The following TDRD9 variants were observed in gnomAD, a reference collection of about 807,000 sequenced individuals.
The protein encoded by TDRD9 is tudor domain containing 9.
In TDRD9, 124 loss-of-function variants were observed where a neutral mutation model predicts 172.6. The observed-to-expected ratio is 0.72, with a 90% CI of 0.62 to 0.83. The LOEUF (loss-of-function observed/expected upper bound fraction) is 0.83. Among genes scored for constraint, TDRD9 ranks in the 40% least tolerant of loss-of-function variants. TDRD9 has a pLI of 0.00. For missense variants in TDRD9, 1,479 were observed against 1,714.1 expected, an observed-to-expected ratio of 0.86 and a Z score of 2.42; for synonymous variants, 619 against 617.1, an observed-to-expected ratio of 1.00 and a Z score of -0.05.
At chr14:103,989,233 G>A (rs1223282154) in intron 8 of TDRD9, among the ~76,000 whole-genome samples, 1 of 152,134 alleles carries the variant, frequency 6.6e-6, no homozygotes, top group East Asian at 1.9e-4. Context: ...TAATCTTACT[G>A]GGGTTTTCTT....
chr14:104,006,743 A>T (rs1414077829), intron 17 of TDRD9, 34 bp downstream of exon 17: 1 of 1,613,432 alleles, frequency 6.2e-7, no homozygotes, highest in Non-Finnish European at 8.5e-7. Context: ...GTGTCACTGT[A>T]TTTTAATGGT....
At chr14:104,019,211 T>G (rs2034879826) in intron 23 of TDRD9, among the ~76,000 whole-genome samples, 1 of 152,236 alleles carries the variant, frequency 6.6e-6, no homozygotes. Flanking sequence ...GAGCTTCCAG[T>G]TCTGCATGGA....
intron 2 of TDRD9, among the ~76,000 whole-genome samples, chr14:103,959,602 A>G (rs2032413109): frequency 6.6e-6 from 1 of 152,146 alleles, no homozygotes; most frequent in African/African-American, 2.4e-5. Context: ...TTCAGCATGA[A>G]CATTTTGTTA....
intron 1 of TDRD9, among the ~76,000 whole-genome samples, chr14:103,936,249 C>T (rs1278724795): frequency 6.6e-6 from 1 of 152,074 alleles, no homozygotes; most frequent in Admixed American, 6.6e-5. Context: ...GCTGCCATGC[C>T]TGACAAATTA....
chr14:103,986,450 A>G, intron 8 of TDRD9, 130 bp downstream of exon 8: 1 of 650,116 alleles, frequency 1.5e-6, no homozygotes, highest in Non-Finnish European at 2.5e-6. Flanking sequence ...TACTGTATAT[A>G]TTTTAAAATC....
intron 32 of TDRD9, among the ~76,000 whole-genome samples, chr14:104,039,029 G>A (rs994031716): frequency 6.6e-6 from 1 of 152,130 alleles, no homozygotes; most frequent in Non-Finnish European, 1.5e-5. Flanking sequence ...AATTATAAAG[G>A]AAAGAGGTTT....
At chr14:104,049,412 C>T (rs1381124704) in intron 34 of TDRD9, 196 bp from the exon 35 acceptor site, 3 of 425,806 alleles carry the variant, frequency 7.0e-6, no homozygotes, top group Non-Finnish European at 1.2e-5. Context: ...TGTCACACTC[C>T]ATTTCTTTCT....
chr14:104,021,625 G>A (rs35804835), intron 23 of TDRD9, among the ~76,000 whole-genome samples: 40,063 of 151,982 alleles, frequency 0.26, 5,713 homozygotes, highest in Non-Finnish European at 0.33. Context: ...TCTGGGAGGC[G>A]GAGGTTGCAG....
chr14:104,007,106 A>G, intron 18 of TDRD9, 54 bp from the exon 19 acceptor site: 2 of 1,535,066 alleles, frequency 1.3e-6, no homozygotes, highest in Admixed American at 4.2e-5. Context: ...TGTACTTAAA[A>G]AAAATTCAGT....
chr14:104,034,953 T>TG lies in TDRD9; in HGVS notation c.3620-6dup. The TG allele has an allele frequency of 6.4e-7, 1 of 1,550,494 alleles. No homozygotes were observed. The highest frequency in any genetic ancestry group is 8.7e-7 in the Non-Finnish European group (1 of 1,146,044). ...TGCCCGATGTTGATTTAGCATGACT[T>TG]GAACAGGATCTACGATGCTGCTGAG... On this transcript the variant is annotated splice_region_variant and splice_polypyrimidine_tract_variant and intron_variant, in intron 31 of 35. Coordinates refer to ENST00000409874, the MANE Select transcript of TDRD9 (RefSeq NM_153046.3).
chr14:104,004,798 C>G (rs1348124030), intron 14 of TDRD9, among the ~76,000 whole-genome samples: 2 of 152,198 alleles, frequency 1.3e-5, no homozygotes, highest in Non-Finnish European at 1.5e-5. Context: ...AGGCTACTGT[C>G]TAGGGCGTTA....
chr14:103,985,145 A>G (rs947861500), intron 7 of TDRD9, among the ~76,000 whole-genome samples: 1 of 152,142 alleles, frequency 6.6e-6, no homozygotes, highest in Non-Finnish European at 1.5e-5. Context: ...TGCTGAAATG[A>G]GTTAAGACTT....
chr14:103,955,567 C>A, intron 1 of TDRD9, 97 bp from the exon 2 acceptor site: 2 of 767,516 alleles, frequency 2.6e-6, no homozygotes, highest in Non-Finnish European at 4.0e-6. Context: ...TGACTATTTG[C>A]ATTTTTTCCT....
chr14:104,019,705 G>A (rs183468309), intron 23 of TDRD9, among the ~76,000 whole-genome samples: 1 of 152,288 alleles, frequency 6.6e-6, no homozygotes, highest in East Asian at 1.9e-4. Flanking sequence ...GGTGCCAAGG[G>A]CGCATGGGCA....
Position 103,999,638 on chromosome 14 carries a change from TTTAGAAAAC to T in TDRD9, c.1483+911_1483+919del, listed in dbSNP as rs2034184817. 5.0e-4 allele frequency among the ~76,000 whole-genome samples: 64 copies of T among 127,752 alleles called. 2 individuals carry two copies. Among genetic ancestry groups the T allele is most frequent in the Admixed American group, 8.4e-4 (11 of 13,020 alleles). 83.8% of individuals were successfully genotyped at this position (127,752 alleles called of 152,430 possible). On this transcript the variant is annotated intron_variant, in intron 13 of 35. Coordinates refer to ENST00000409874, the MANE Select transcript of TDRD9 (RefSeq NM_153046.3). ...AAGTGGCTTTTTTTTTTGTTTGTTT[TTTAGAAAAC>T]CTTTTGGGAAGGGTAGATAAAAGAC...
intron 2 of TDRD9, 106 bp from the exon 3 acceptor site, chr14:103,962,965 AGTGTGTGT>A (rs55873775): frequency 2.5e-4 from 101 of 404,648 alleles, no homozygotes; most frequent in Non-Finnish European, 4.2e-4. Context: ...TTTGTATTTG[AGTGTGTGT>A]GTGTGTGTGT....
chr14:103,976,747 T>G (rs1327535729), intron 7 of TDRD9, among the ~76,000 whole-genome samples: 2 of 152,248 alleles, frequency 1.3e-5, no homozygotes, highest in Non-Finnish European at 2.9e-5. Context: ...TTGAGGATCC[T>G]CCATACTGTT....
Position 104,033,199 on chromosome 14 carries a change from C to T in TDRD9, c.3510-761C>T, listed in dbSNP as rs545666883. ...AGTCTTGTCTTCTCAAAATGTCTTC[C>T]GGGGAGCACATTGGAAATGCAGATG... On this transcript the variant is annotated intron_variant, in intron 30 of 35. Coordinates refer to ENST00000409874, the MANE Select transcript of TDRD9 (RefSeq NM_153046.3). 2.6e-4 allele frequency among the ~76,000 whole-genome samples: 39 copies of T among 152,256 alleles called. No homozygotes were observed. The South Asian group carries it at 7.0e-3, about 28-fold the overall frequency.
At chr14:103,941,680 A>T in intron 1 of TDRD9, 3 of 1,514,180 alleles carry the variant, frequency 2.0e-6, no homozygotes, top group Non-Finnish European at 2.6e-6. Flanking sequence ...CATTTCATCC[A>T]GCCAAAAAGT....
Sources: allele counts gnomAD v4.1 joint callset (sites outside exome capture counted in the v4.1 genomes callset), GRCh38; gene constraint gnomAD v4.1.1; transcripts MANE v1.5; gene names NCBI Gene and HGNC (gene_info 2026-07-23, HGNC 2026-07-21).